The following PCDH9 variants were observed in gnomAD, a reference collection of about 807,000 sequenced individuals.
PCDH9 encodes protocadherin 9.
PCDH9 carries 24 observed loss-of-function variants against 70.6 expected under a neutral mutation model. That is an observed-to-expected ratio of 0.34 (90% CI 0.25 to 0.48). The LOEUF is 0.48. PCDH9 is among the 20% of genes least tolerant of loss of function. The pLI is 0.99. For missense variants in PCDH9, 1,281 were observed against 1,503.6 expected (o/e 0.85, Z 2.45); for synonymous variants, 562 against 558.5 (o/e 1.01, Z -0.09).
intron 2 of PCDH9, among the ~76,000 whole-genome samples, chr13:66,939,751 GA>G (rs2082978639): frequency 6.6e-6 from 1 of 151,918 alleles, no homozygotes; most frequent in South Asian, 2.1e-4. Context: ...ATTAAAACTG[GA>G]AAACTCACAA....
intron 2 of PCDH9, among the ~76,000 whole-genome samples, chr13:67,134,765 A>G (rs2138339973): frequency 1.3e-5 from 2 of 152,254 alleles, no homozygotes; most frequent in East Asian, 3.9e-4. Context: ...AATACACTCC[A>G]GAAGCTTTTA....
At chr13:67,063,215 T>G (rs1186637893) in intron 2 of PCDH9, among the ~76,000 whole-genome samples, 1 of 152,028 alleles carries the variant, frequency 6.6e-6, no homozygotes, top group Non-Finnish European at 1.5e-5. Flanking sequence ...CATAGTGAGG[T>G]AGAGAGTTCT....
At chr13:66,668,386 A>G (rs2078125602) in intron 3 of PCDH9, among the ~76,000 whole-genome samples, 1 of 152,110 alleles carries the variant, frequency 6.6e-6, no homozygotes, top group African/African-American at 2.4e-5. Context: ...TTAGGAGCCC[A>G]AATGCCACAA....
chr13:66,620,710 T>C (rs377259501), intron 4 of PCDH9, among the ~76,000 whole-genome samples: 1 of 152,178 alleles, frequency 6.6e-6, no homozygotes, highest in African/African-American at 2.4e-5. Flanking sequence ...TTTTTTGTCT[T>C]TTTTTATGGT....
At chr13:67,192,160 TG>T (rs1335914883) in intron 2 of PCDH9, among the ~76,000 whole-genome samples, 2 of 151,920 alleles carry the variant, frequency 1.3e-5, no homozygotes, top group African/African-American at 4.8e-5. Context: ...ATATTGGGGA[TG>T]GGGAAAAACA....
At chr13:66,365,890 A>T (rs1355111819) in intron 4 of PCDH9, among the ~76,000 whole-genome samples, 1 of 152,056 alleles carries the variant, frequency 6.6e-6, no homozygotes, top group Non-Finnish European at 1.5e-5. Flanking sequence ...TTCACTCATT[A>T]CTGAACAAAT....
chr13:67,150,104 G>C (rs2087620686), intron 2 of PCDH9, among the ~76,000 whole-genome samples: 1 of 152,096 alleles, frequency 6.6e-6, no homozygotes, highest in South Asian at 2.1e-4. Flanking sequence ...GACGTGCAGT[G>C]CTCCGTGCAA....
At chr13:66,605,053 C>T (rs898295322) in intron 4 of PCDH9, among the ~76,000 whole-genome samples, 6 of 151,980 alleles carry the variant, frequency 3.9e-5, no homozygotes, top group African/African-American at 1.4e-4. Context: ...ATACTGTTAT[C>T]TCTGAAATTT....
intron 2 of PCDH9, among the ~76,000 whole-genome samples, chr13:67,036,916 G>A (rs1191482286): frequency 2.6e-5 from 4 of 152,302 alleles, no homozygotes; most frequent in Non-Finnish European, 5.9e-5. Flanking sequence ...CGGAGAAAGC[G>A]CCATTATCAT....
chr13:66,755,526 T>C (rs2181533), intron 3 of PCDH9, among the ~76,000 whole-genome samples: 147,815 of 152,244 alleles, frequency 0.97, 71,907 homozygotes, highest in East Asian at 1. Context: ...GACTAAGCTC[T>C]CTCTCCCCAC....
chr13:66,392,330 C>A (rs1476865846), intron 4 of PCDH9, among the ~76,000 whole-genome samples: 3 of 151,826 alleles, frequency 2.0e-5, no homozygotes, highest in Non-Finnish European at 4.4e-5. Flanking sequence ...GAAAAGGTTG[C>A]AATACAAGAC....
intron 3 of PCDH9, among the ~76,000 whole-genome samples, chr13:66,902,965 A>G (rs561561108): frequency 1.1e-4 from 17 of 151,982 alleles, no homozygotes; most frequent in Middle Eastern, 3.4e-3. Flanking sequence ...CTTTTTTAAA[A>G]AAGAAAGTAA....
intron 4 of PCDH9, among the ~76,000 whole-genome samples, chr13:66,588,613 A>AT (rs573993238): frequency 1.3e-5 from 2 of 151,666 alleles, no homozygotes; most frequent in East Asian, 1.9e-4. Context: ...TTTCTAAATA[A>AT]TTTTTTTTCC....
chr13:66,570,710 GTAGT>G (rs2076721813), intron 4 of PCDH9, among the ~76,000 whole-genome samples: 1 of 152,088 alleles, frequency 6.6e-6, no homozygotes, highest in South Asian at 2.1e-4. Flanking sequence ...ACTTGACAAA[GTAGT>G]TAGATTAGGC....
rs1201168964 is a variant in PCDH9, at chr13:67,143,351, G to T, written c.3036+82054C>A. Among the ~76,000 whole-genome samples the T allele has an allele frequency of 2.6e-5, 4 of 152,146 alleles. No homozygotes were observed. In the South Asian group the frequency reaches 8.3e-4, roughly 32 times the overall value. ...GAACTAATAATTCATAAACCTTGTAGTTAAGTTTGGTGTGCTCCAGGTTTG... is the reference window on the plus strand; with the variant it reads ...GAACTAATAATTCATAAACCTTGTATTTAAGTTTGGTGTGCTCCAGGTTTG... On this transcript the variant is annotated intron_variant, in intron 2 of 4. Coordinates refer to ENST00000377865, the MANE Select transcript of PCDH9 (RefSeq NM_203487.3).
chr13:67,097,000 C>T (rs945846152), intron 2 of PCDH9, among the ~76,000 whole-genome samples: 3 of 151,710 alleles, frequency 2.0e-5, no homozygotes, highest in Non-Finnish European at 2.9e-5. Flanking sequence ...TGTAATCCAG[C>T]GCTTTGGGAG....
chr13:66,776,924 A>G (rs1003942567), intron 3 of PCDH9, among the ~76,000 whole-genome samples: 4 of 146,014 alleles, frequency 2.7e-5, no homozygotes, highest in African/African-American at 1.0e-4. Context: ...ACTGGTACCA[A>G]AACAGAGATA....
At chr13:67,159,835 A>G (rs532728120) in intron 2 of PCDH9, among the ~76,000 whole-genome samples, 1 of 152,356 alleles carries the variant, frequency 6.6e-6, no homozygotes, top group Non-Finnish European at 1.5e-5. Flanking sequence ...AGATACTGTA[A>G]TAAAGAAGCA....
intron 2 of PCDH9, among the ~76,000 whole-genome samples, chr13:67,122,958 T>C (rs1395418122): frequency 6.6e-6 from 1 of 152,076 alleles, no homozygotes; most frequent in East Asian, 1.9e-4. Context: ...TTTTTGTTAG[T>C]GACACAGACA....
Sources: allele counts gnomAD v4.1 joint callset (sites outside exome capture counted in the v4.1 genomes callset), GRCh38; gene constraint gnomAD v4.1.1; transcripts MANE v1.5; gene names NCBI Gene and HGNC (gene_info 2026-07-23, HGNC 2026-07-21).